The following AHCYL2 variants were observed in gnomAD, a reference collection of about 807,000 sequenced individuals.
AHCYL2 encodes the protein adenosylhomocysteinase like 2.
Under a neutral mutation model 81.4 loss-of-function variants are expected in AHCYL2, and 28 were observed. That is an observed-to-expected ratio of 0.34 (90% CI 0.25 to 0.47). AHCYL2 has a LOEUF of 0.47. Ranked by LOEUF, AHCYL2 falls within the 20% of genes least tolerant of loss-of-function variation. The pLI, the probability that AHCYL2 is intolerant of heterozygous loss-of-function variation, is 1.00. For synonymous variants in AHCYL2, 272 were observed against 290.2 expected (o/e 0.94, Z 0.64); for missense variants, 551 against 785.1 (o/e 0.70, Z 3.56).
intron 1 of AHCYL2, among the ~76,000 whole-genome samples, chr7:129,320,470 C>T (rs1309243152): frequency 6.6e-6 from 1 of 152,120 alleles, no homozygotes; most frequent in African/African-American, 2.4e-5. Context: ...GTGCATGTCA[C>T]CATGCATAGC....
Position 129,225,416 on chromosome 7 carries a change from G to C in AHCYL2, c.340G>C (p.Glu114Gln). The C allele has an allele frequency of 6.6e-7, 1 of 1,515,650 alleles. No individual in the cohort carries two copies. Among genetic ancestry groups the C allele is most frequent in the Non-Finnish European group, 8.8e-7 (1 of 1,137,482 alleles). The allele number at this position is 1,515,650 out of a possible 1,614,324, so 93.9% of individuals were successfully genotyped here. Residue 114 changes from glutamate to glutamine, a missense_variant, in exon 1 of 17, where the codon GAG becomes CAG. By Grantham distance (29) the Glu-to-Gln change is conservative. Transcript: ENST00000325006. ...GGTCAGCCCCGACGGCACCGTCACC[G>C]AGGCGCCGCGCACAGTCAAGAAGGT... ...ALVSPDGTVT[E>Q]APRTVKKQIQ...
chr7:129,309,123 T>A (rs905923857), intron 1 of AHCYL2, among the ~76,000 whole-genome samples: 4 of 152,076 alleles, frequency 2.6e-5, no homozygotes, highest in African/African-American at 9.7e-5. Flanking sequence ...TCCCAGCTAC[T>A]TGGGAGGCTG....
intron 1 of AHCYL2, among the ~76,000 whole-genome samples, chr7:129,330,915 A>G (rs1798396780): frequency 6.6e-6 from 1 of 152,242 alleles, no homozygotes; most frequent in South Asian, 2.1e-4. Flanking sequence ...TAGTCATCAT[A>G]AACAACTTCT....
At position 129,307,825 on chromosome 7, in the gene AHCYL2, A is replaced by G. The variant is rs539819587; in HGVS notation, c.364-71813A>G. ...CCAAGGGCTGTTTAGTCAGCAGGTGATGAATCCTGCCAGGACTGTTTCCCT... is the reference window on the plus strand; with the variant it reads ...CCAAGGGCTGTTTAGTCAGCAGGTGGTGAATCCTGCCAGGACTGTTTCCCT... On this transcript the variant is annotated intron_variant, in intron 1 of 16. Coordinates refer to ENST00000325006, the MANE Select transcript of AHCYL2 (RefSeq NM_015328.4). 5.3e-5 allele frequency among the ~76,000 whole-genome samples: 8 copies of G among 151,848 alleles called. No homozygotes were observed. The East Asian group carries it at 1.6e-3, about 30-fold the overall frequency.
intron 1 of AHCYL2, among the ~76,000 whole-genome samples, chr7:129,273,053 A>G (rs1796074113): frequency 6.6e-6 from 1 of 151,886 alleles, no homozygotes; most frequent in Non-Finnish European, 1.5e-5. Flanking sequence ...GGTGCCCGCC[A>G]TGATGCCCAG....
intron 1 of AHCYL2, among the ~76,000 whole-genome samples, chr7:129,228,247 A>G (rs1026097230): frequency 6.6e-6 from 1 of 152,192 alleles, no homozygotes; most frequent in African/African-American, 2.4e-5. Flanking sequence ...ATTTCCATAG[A>G]TGGTTTTCCT....
At chr7:129,363,710 G>T (rs1794010177) in intron 1 of AHCYL2, among the ~76,000 whole-genome samples, 1 of 151,964 alleles carries the variant, frequency 6.6e-6, no homozygotes, top group Non-Finnish European at 1.5e-5. Flanking sequence ...GCTAATTTTT[G>T]TACTTTTAGT....
At position 129,282,591 on chromosome 7, in the gene AHCYL2, C is replaced by G. The variant is rs193231701; in HGVS notation, c.363+57152C>G. ...TTCTTTCTCCCATGTTTCTACTTAG[C>G]TTTTTGAATATGGAATAACTTTGTT... On this transcript the variant is annotated intron_variant, in intron 1 of 16. Coordinates refer to ENST00000325006, the MANE Select transcript of AHCYL2 (RefSeq NM_015328.4). Among the ~76,000 whole-genome samples, 641 of 152,158 alleles carry G rather than the reference C, an allele frequency of 4.2e-3. 2 individuals carry two copies. Among genetic ancestry groups the G allele is most frequent in the Middle Eastern group, 0.01 (3 of 294 alleles).
intron 1 of AHCYL2, among the ~76,000 whole-genome samples, chr7:129,348,880 G>T (rs1274656875): frequency 6.6e-6 from 1 of 152,116 alleles, no homozygotes; most frequent in African/African-American, 2.4e-5. Context: ...AGAGAAGAGG[G>T]TCTGTGACTT....
At chr7:129,303,918 C>A (rs905802826) in intron 1 of AHCYL2, among the ~76,000 whole-genome samples, 4 of 152,014 alleles carry the variant, frequency 2.6e-5, no homozygotes, top group Non-Finnish European at 5.9e-5. Context: ...AACCCTGTCT[C>A]TACTAAAAAT....
intron 2 of AHCYL2, among the ~76,000 whole-genome samples, chr7:129,385,590 T>G (rs1319601896): frequency 6.6e-6 from 1 of 152,226 alleles, no homozygotes; most frequent in East Asian, 1.9e-4. Flanking sequence ...ACGTAGAAAC[T>G]GAACCCTTTT....
intron 1 of AHCYL2, among the ~76,000 whole-genome samples, chr7:129,370,510 A>C (rs1245937035): frequency 2.6e-5 from 4 of 152,120 alleles, no homozygotes; most frequent in Admixed American, 6.5e-5. Context: ...CATCCTGGCT[A>C]ACACAGTGAA....
intron 1 of AHCYL2, among the ~76,000 whole-genome samples, chr7:129,274,711 A>G (rs184825166): frequency 6.6e-6 from 1 of 152,300 alleles, no homozygotes; most frequent in Admixed American, 6.5e-5. Context: ...CCCGGTCACC[A>G]TGCTGTGAGA....
chr7:129,335,875 C>T (rs1798581922), intron 1 of AHCYL2, among the ~76,000 whole-genome samples: 1 of 152,150 alleles, frequency 6.6e-6, no homozygotes, highest in South Asian at 2.1e-4. Flanking sequence ...CAGATACAAG[C>T]ATGCCCAGAT....
chr7:129,409,281 A>G (rs1359541101), intron 10 of AHCYL2, among the ~76,000 whole-genome samples, 195 bp from the exon 11 acceptor site: 1 of 152,182 alleles, frequency 6.6e-6, no homozygotes, highest in African/African-American at 2.4e-5. Context: ...TCAGGAAGAA[A>G]TAAGTTCCGT....
intron 1 of AHCYL2, among the ~76,000 whole-genome samples, chr7:129,260,464 A>G (rs986646919): frequency 7.2e-5 from 11 of 152,196 alleles, no homozygotes; most frequent in African/African-American, 2.2e-4. Flanking sequence ...TCTCTTCTCC[A>G]TGGAAATCAT....
chr7:129,241,094 C>T lies in AHCYL2; in HGVS notation c.363+15655C>T, dbSNP rs1794836286. Among the ~76,000 whole-genome samples the T allele has an allele frequency of 7.9e-5, 12 of 152,126 alleles. No homozygotes were observed. In the South Asian group the frequency reaches 2.5e-3, roughly 32 times the overall value. ...GCCAGATTTCTTGTGACTCGGGCAGCATCTTCTGAGAATTATCTTGTTAGG... is the reference window on the plus strand; with the variant it reads ...GCCAGATTTCTTGTGACTCGGGCAGTATCTTCTGAGAATTATCTTGTTAGG... On this transcript the variant is annotated intron_variant, in intron 1 of 16. Transcript: ENST00000325006.
intron 1 of AHCYL2, among the ~76,000 whole-genome samples, chr7:129,372,964 G>A (rs1334068691): frequency 6.6e-6 from 1 of 152,164 alleles, no homozygotes; most frequent in East Asian, 1.9e-4. Context: ...GAGAATCAGG[G>A]CTGCTTTACT....
intron 1 of AHCYL2, among the ~76,000 whole-genome samples, chr7:129,256,936 A>G (rs1433419618): frequency 2.6e-5 from 4 of 152,106 alleles, no homozygotes; most frequent in Non-Finnish European, 4.4e-5. Flanking sequence ...AAATTTATAA[A>G]TAATAAAATT....
Sources: gnomAD v4.1 joint callset for allele counts (sites outside exome capture counted in the v4.1 genomes callset) on GRCh38, gnomAD v4.1.1 for gene constraint, MANE v1.5 for transcripts, NCBI Gene and HGNC (gene_info 2026-07-23, HGNC 2026-07-21) for gene names.